Variants in ST14 observed in about 807,000 individuals in gnomAD.
ST14 encodes ST14 transmembrane serine protease matriptase, also known as suppressor of tumorigenicity 14 protein.
Under a neutral mutation model 96.5 loss-of-function variants are expected in ST14, and 40 were observed. The ratio of observed to expected loss-of-function variants is 0.41; its 90% CI spans 0.32 to 0.54. The LOEUF (loss-of-function observed/expected upper bound fraction) is 0.54, where lower values mean the gene tolerates loss of function less well. Ranked by LOEUF, ST14 falls within the 20% of genes least tolerant of loss-of-function variation. The pLI, the probability that ST14 is intolerant of heterozygous loss-of-function variation, is 0.17. For missense variants in ST14, 1,066 were observed against 1,188.9 expected, an observed-to-expected ratio of 0.90 and a Z score of 1.52; for synonymous variants, 506 against 492.1, an observed-to-expected ratio of 1.03 and a Z score of -0.37.
chr11:130,191,647 A>C (rs529285231), intron 7 of ST14, among the ~76,000 whole-genome samples: 2 of 147,196 alleles, frequency 1.4e-5, no homozygotes, highest in South Asian at 4.3e-4. Flanking sequence ...CCGAGATCGT[A>C]CCACTACACT....
intron 16 of ST14, among the ~76,000 whole-genome samples, chr11:130,206,805 C>T (rs901911936): frequency 6.6e-6 from 1 of 152,004 alleles, no homozygotes; most frequent in Non-Finnish European, 1.5e-5. Context: ...TAACCTCAGG[C>T]GATCCACCCA....
intron 7 of ST14, 79 bp downstream of exon 7, chr11:130,190,773 G>GA: frequency 6.8e-7 from 1 of 1,477,638 alleles, no homozygotes; most frequent in African/African-American, 1.4e-5. Flanking sequence ...CAACGATTGG[G>GA]ATACAGTTTA....
chr11:130,209,500 C>T lies in ST14; in HGVS notation c.2328C>T (p.Cys776=), dbSNP rs768620928. The change falls in exon 18 of 19, where the codon TGC becomes TGT. Residue 776 remains cysteine (C), a synonymous_variant. Transcript: ENST00000278742. ...GEIRVINQTT[C]ENLLPQQITP... ...TCCGCGTCATCAACCAGACCACCTG[C>T]GAGAACCTCCTGCCGCAGCAGATCA... 2 of 1,585,682 alleles carry T rather than the reference C, an allele frequency of 1.3e-6. No individual in the cohort carries two copies. The highest frequency in any genetic ancestry group is 1.1e-5 in the South Asian group (1 of 87,466).
chr11:130,183,564 T>C (rs1291001935), intron 1 of ST14, among the ~76,000 whole-genome samples: 2 of 151,296 alleles, frequency 1.3e-5, no homozygotes, highest in African/African-American at 2.4e-5. Context: ...AAAAAAAAGA[T>C]TGCATTGCAT....
chr11:130,204,229 G>A (rs1235510226), intron 16 of ST14, among the ~76,000 whole-genome samples: 1 of 152,188 alleles, frequency 6.6e-6, no homozygotes, highest in Non-Finnish European at 1.5e-5. Context: ...ATGAGTTGAT[G>A]GGGGTTGAGT....
chr11:130,194,745 C>A lies in ST14; in HGVS notation c.1113+8C>A, dbSNP rs756156134. The A allele has an allele frequency of 1.2e-6, 2 of 1,613,870 alleles. No individual in the cohort carries two copies. Among genetic ancestry groups the A allele is most frequent in the Non-Finnish European group, 1.7e-6 (2 of 1,179,846 alleles). Reference sequence around the variant, plus strand: ...TGCACATGGAACATTGAGGTAGGAGCTATGGGGCGTGTGAACGTGTGTGTG... The same window carrying A: ...TGCACATGGAACATTGAGGTAGGAGATATGGGGCGTGTGAACGTGTGTGTG... On this transcript the variant is annotated splice_region_variant and intron_variant, in intron 9 of 18. Coordinates refer to ENST00000278742, the MANE Select transcript of ST14 (RefSeq NM_021978.4).
chr11:130,171,175 AC>A (rs1953089340), intron 1 of ST14, among the ~76,000 whole-genome samples: 1 of 152,182 alleles, frequency 6.6e-6, no homozygotes, highest in African/African-American at 2.4e-5. Context: ...AATGTGTACA[AC>A]CTGATGAGTG....
intron 12 of ST14, 121 bp from the exon 13 acceptor site, chr11:130,198,187 G>GC: frequency 9.8e-7 from 1 of 1,024,470 alleles, no homozygotes; most frequent in East Asian, 2.4e-5. Flanking sequence ...GTGGAGCAGG[G>GC]CCCCTTGGGC....
chr11:130,209,468 G>C lies in ST14; in HGVS notation c.2296G>C (p.Gly766Arg). The C allele has an allele frequency of 6.3e-7, 1 of 1,586,378 alleles. No individual in the cohort carries two copies. Among genetic ancestry groups the C allele is most frequent in the Non-Finnish European group, 8.6e-7 (1 of 1,166,564 alleles). ...GGTGALILQK[G>R]EIRVINQTTC... ...CACTGGCGCGCTGATCCTGCAAAAG[G>C]GTGAGATCCGCGTCATCAACCAGAC... The change falls in exon 18 of 19, where the codon GGT becomes CGT. Residue 766 changes from glycine (G) to arginine (R), a missense_variant. Physicochemically the swap from Gly to Arg is moderately radical, Grantham distance 125. Transcript: ENST00000278742.
At chr11:130,163,005 T>C (rs1276298830) in intron 1 of ST14, among the ~76,000 whole-genome samples, 1 of 152,212 alleles carries the variant, frequency 6.6e-6, no homozygotes, top group East Asian at 1.9e-4. Context: ...TCCAGGTTTG[T>C]TGAAAGGATT....
intron 1 of ST14, among the ~76,000 whole-genome samples, chr11:130,174,905 T>C (rs768987955): frequency 3.9e-5 from 6 of 152,212 alleles, no homozygotes; most frequent in Non-Finnish European, 7.3e-5. Context: ...ACTGGTTCAT[T>C]AGCCCTTTTT....
chr11:130,193,045 G>A (rs1953320492), intron 7 of ST14, among the ~76,000 whole-genome samples: 1 of 152,080 alleles, frequency 6.6e-6, no homozygotes, highest in Non-Finnish European at 1.5e-5. Flanking sequence ...ACTTCATAGA[G>A]CTGTTAGGAA....
rs1398855415 is a variant in ST14, at chr11:130,209,548, C to T, written c.2376C>T (p.Gly792=). 6.3e-7 allele frequency: 1 copy of T among 1,575,988 alleles called. No homozygotes were observed. The highest frequency in any genetic ancestry group is 1.9e-5 in the Admixed American group (1 of 53,224). ...QQITPRMMCV[G]FLSGGVDSCQ... ...TCACGCCGCGCATGATGTGCGTGGG[C>T]TTCCTCAGCGGCGGCGTGGACTCCT... Residue 792 remains glycine (G), a synonymous_variant, in exon 18 of 19, where the codon GGC becomes GGT. Transcript: ENST00000278742.
Position 130,188,439 on chromosome 11 carries a change from C to T in ST14, c.242-91C>T, listed in dbSNP as rs1001005514. ...AGCAGTCAGGGCTGACCCATGGCCCCCTCCTGGCATTCATTCCCCATTGTG... is the reference window on the plus strand; with the variant it reads ...AGCAGTCAGGGCTGACCCATGGCCCTCTCCTGGCATTCATTCCCCATTGTG... On this transcript the variant is annotated intron_variant, in intron 2 of 18. Transcript: ENST00000278742. The surrounding 1 kb of genome is among the most constrained non-coding windows in gnomAD (Gnocchi z 5.4). 34 of 1,605,476 alleles carry T rather than the reference C, an allele frequency of 2.1e-5. No individual in the cohort carries two copies. In the Middle Eastern group the frequency reaches 5.4e-4, roughly 25 times the overall value.
At chr11:130,203,118 G>A (rs1953448426) in intron 16 of ST14, among the ~76,000 whole-genome samples, 1 of 152,148 alleles carries the variant, frequency 6.6e-6, no homozygotes, top group African/African-American at 2.4e-5. Context: ...GCGGGGTCTT[G>A]AGCTGAGGTC....
intron 7 of ST14, among the ~76,000 whole-genome samples, chr11:130,191,550 T>C (rs534545560): frequency 1.1e-3 from 161 of 151,084 alleles, no homozygotes; most frequent in African/African-American, 3.1e-3. Context: ...ATCAGCTGGG[T>C]GTGGTGGCGG....
chr11:130,203,141 G>A (rs1953448760), intron 16 of ST14, among the ~76,000 whole-genome samples: 1 of 152,144 alleles, frequency 6.6e-6, no homozygotes, highest in Admixed American at 6.5e-5. Flanking sequence ...CAGGTGAACA[G>A]GGCGGGCTTG....
chr11:130,205,741 C>T (rs553079), intron 16 of ST14, among the ~76,000 whole-genome samples: 105,119 of 141,032 alleles, frequency 0.75, 39,447 homozygotes, highest in South Asian at 0.8. Flanking sequence ...CTCTTTCGCC[C>T]AGTCTGGAGT....
In ST14 at chr11:130,190,678, C is replaced by A; in HGVS notation, c.859C>A (p.Pro287Thr). 1 of 1,591,818 alleles carries A rather than the reference C, an allele frequency of 6.3e-7. No homozygotes were observed. Among genetic ancestry groups the A allele is most frequent in the Non-Finnish European group, 8.5e-7 (1 of 1,170,100 alleles). ...GTACAACACCCTGAGCCCCATGGAG[C>A]CCCACGCCCTGGTGCAGTGAGTACC... ...TVYNTLSPME[P>T]HALVQLCGTY... The change falls in exon 7 of 19, where the codon CCC (proline) becomes ACC (threonine). Residue 287 changes from proline to threonine, a missense_variant. Pro to Thr is a conservative substitution (Grantham distance 38, BLOSUM62 -1). Coordinates refer to ENST00000278742, the MANE Select transcript of ST14 (RefSeq NM_021978.4).
Sources: allele counts gnomAD v4.1 joint callset (sites outside exome capture counted in the v4.1 genomes callset), GRCh38; gene constraint gnomAD v4.1.1; non-coding constraint Gnocchi (gnomAD v3.1); transcripts MANE v1.5; gene names NCBI Gene and HGNC (gene_info 2026-07-23, HGNC 2026-07-21).